Variants in DNAH14 observed in about 807,000 individuals in gnomAD.
DNAH14 encodes the protein axonemal beta dynein heavy chain 14.
DNAH14 carries 478 observed loss-of-function variants against 520.9 expected under a neutral mutation model. The ratio of observed to expected loss-of-function variants is 0.92; its 90% CI spans 0.85 to 0.99. The LOEUF (loss-of-function observed/expected upper bound fraction) is 0.99, where lower values mean the gene tolerates loss of function less well. Among genes scored for constraint, DNAH14 ranks in the 50% least tolerant of loss-of-function variants. DNAH14 has a pLI of 0.00. For missense variants in DNAH14, 4,831 were observed against 5,234.5 expected (o/e 0.92, Z 2.38); for synonymous variants, 1,581 against 1,757.2 (o/e 0.90, Z 2.51).
chr1:225,335,156 TGCATGTGTGCATGTGTACATGTGC>T (rs1419551715), intron 66 of DNAH14, among the ~76,000 whole-genome samples: 2 of 147,700 alleles, frequency 1.4e-5, no homozygotes, highest in African/African-American at 5.0e-5. Context: ...TGTACATGTG[TGCATGTGTGCATGTGTACATGTGC>T]GCATGTGTGT....
At chr1:225,075,115 T>G (rs2072094943) in intron 17 of DNAH14, among the ~76,000 whole-genome samples, 1 of 152,178 alleles carries the variant, frequency 6.6e-6, no homozygotes, top group Non-Finnish European at 1.5e-5. Context: ...TGTGTCAGAC[T>G]GAAGGCCCTG....
chr1:225,102,035 C>T lies in DNAH14; in HGVS notation c.3867+1151C>T, dbSNP rs866029919. 5.3e-4 allele frequency among the ~76,000 whole-genome samples: 62 copies of T among 117,660 alleles called. 2 individuals are homozygous for T. The highest frequency in any genetic ancestry group is 0.01 in the Middle Eastern group (2 of 196). The allele number at this position is 117,660 out of a possible 152,430, so 77.2% of individuals were successfully genotyped here. ...TTAGGTATATCTCCTAATGCTATCC[C>T]TCCCCCTCCCCCCACCCCACAACAG... On this transcript the variant is annotated intron_variant, in intron 23 of 85. Coordinates refer to ENST00000682510, the MANE Select transcript of DNAH14 (RefSeq NM_001367479.1).
chr1:225,155,911 A>G (rs1385996726), intron 34 of DNAH14, among the ~76,000 whole-genome samples: 1 of 152,190 alleles, frequency 6.6e-6, no homozygotes, highest in Non-Finnish European at 1.5e-5. Flanking sequence ...TTTTGTTATC[A>G]GAGTAAAGCA....
rs71170047 is a variant in DNAH14 at position 225,034,515 on chromosome 1, T to TTGTGTGTGTGTGTGTGTGTGTGTG, written c.1359-4167_1359-4144dup. Among the ~76,000 whole-genome samples the TTGTGTGTGTGTGTGTGTGTGTGTG allele has an allele frequency of 1.3e-3, 188 of 147,806 alleles. 1 individual carries two copies. Among genetic ancestry groups the TTGTGTGTGTGTGTGTGTGTGTGTG allele is most frequent in the East Asian group, 0.011 (55 of 4,894 alleles). ...ATTCATCAAGGATATTGGCTTGAAT[T>TTGTGTGTGTGTGTGTGTGTGTGTG]TGTGTGTGTGTGTGTGTGTGTGTGT... On this transcript the variant is annotated intron_variant, in intron 11 of 85. Transcript: ENST00000682510.
intron 1 of DNAH14, among the ~76,000 whole-genome samples, chr1:224,931,521 C>T (rs1268719464): frequency 6.6e-6 from 1 of 152,036 alleles, no homozygotes; most frequent in Non-Finnish European, 1.5e-5. Context: ...TGAATTTATT[C>T]CTTATATCTT....
chr1:225,154,609 T>G (rs2149107129), intron 34 of DNAH14, among the ~76,000 whole-genome samples: 1 of 152,074 alleles, frequency 6.6e-6, no homozygotes, highest in East Asian at 1.9e-4. Flanking sequence ...GACTTTTTAA[T>G]GAATGCTTTT....
At chr1:225,266,428 A>G (rs1049703299) in intron 48 of DNAH14, among the ~76,000 whole-genome samples, 4 of 152,120 alleles carry the variant, frequency 2.6e-5, no homozygotes, top group Non-Finnish European at 5.9e-5. Flanking sequence ...TGCTATTTTG[A>G]AAACTTACTG....
chr1:225,199,423 A>T (rs1320434967), intron 38 of DNAH14, among the ~76,000 whole-genome samples: 1 of 151,940 alleles, frequency 6.6e-6, no homozygotes, highest in African/African-American at 2.4e-5. Flanking sequence ...TTGAAGTGTG[A>T]CCTTAGAAAG....
chr1:225,090,162 T>C (rs1019716115), intron 21 of DNAH14, among the ~76,000 whole-genome samples: 3 of 152,038 alleles, frequency 2.0e-5, no homozygotes, highest in Non-Finnish European at 4.4e-5. Context: ...CATTGAGAAA[T>C]AGCATAAAAA....
At chr1:225,058,087 A>G (rs2069409596) in intron 17 of DNAH14, among the ~76,000 whole-genome samples, 1 of 152,168 alleles carries the variant, frequency 6.6e-6, no homozygotes, top group Non-Finnish European at 1.5e-5. Flanking sequence ...GTTGATTGGA[A>G]TACTTTCAGA....
chr1:225,026,753 T>G (rs1161227967), intron 11 of DNAH14, among the ~76,000 whole-genome samples: 1 of 152,158 alleles, frequency 6.6e-6, no homozygotes, highest in Non-Finnish European at 1.5e-5. Flanking sequence ...GTCCCTTGCA[T>G]TTTCATATGA....
At chr1:225,143,192 A>C (rs542746872) in intron 28 of DNAH14, among the ~76,000 whole-genome samples, 43 of 152,152 alleles carry the variant, frequency 2.8e-4, no homozygotes, top group African/African-American at 9.9e-4. Flanking sequence ...CACTAATGGA[A>C]AGGGAAAGGC....
Position 225,117,686 on chromosome 1 carries a change from T to C in DNAH14, c.3870T>C (p.Asp1290=). ...HLEHIKKSLE[D]YLEVKRLIFP... is the part of the protein sequence containing the mutation. ...GCATTTCTTTTGATTCTGGACAGGA[T>C]TACCTTGAAGTTAAAAGATTAATTT... The change falls in exon 24 of 86, where the codon GAT becomes GAC. Residue 1290 remains aspartate (D), a splice_region_variant and synonymous_variant. Transcript: ENST00000682510. 6.5e-7 allele frequency: 1 copy of C among 1,531,522 alleles called. No homozygotes were observed. Among genetic ancestry groups the C allele is most frequent in the Non-Finnish European group, 8.8e-7 (1 of 1,133,730 alleles). 94.9% of individuals were successfully genotyped at this position (1,531,522 alleles called of 1,614,324 possible).
At chr1:225,080,277 G>C (rs150602400) in intron 18 of DNAH14, 102 bp from the exon 19 acceptor site, 532 of 1,182,750 alleles carry the variant, frequency 4.5e-4, no homozygotes, top group Non-Finnish European at 6.0e-4. Context: ...TCACTTATCA[G>C]GTAAAAGCCT....
At chr1:225,016,172 G>A (rs1358411900) in intron 10 of DNAH14, among the ~76,000 whole-genome samples, 1 of 152,150 alleles carries the variant, frequency 6.6e-6, no homozygotes, top group African/African-American at 2.4e-5. Flanking sequence ...CTGGGACTTG[G>A]TGACCATTGT....
chr1:225,394,759 GC>G (rs1409619963), intron 84 of DNAH14, among the ~76,000 whole-genome samples: 6 of 151,494 alleles, frequency 4.0e-5, no homozygotes, highest in African/African-American at 1.5e-4. Flanking sequence ...CAGGAGTATT[GC>G]TTGAACTTGG....
intron 37 of DNAH14, among the ~76,000 whole-genome samples, chr1:225,186,234 C>T (rs12077966): frequency 0.15 from 23,352 of 151,150 alleles, 2,106 homozygotes; most frequent in East Asian, 0.36. Context: ...TTTTTTCTGT[C>T]AGTGGGAAAT....
intron 54 of DNAH14, among the ~76,000 whole-genome samples, 162 bp from the exon 55 acceptor site, chr1:225,289,723 A>G (rs1354033070): frequency 1.3e-5 from 2 of 152,142 alleles, no homozygotes; most frequent in African/African-American, 4.8e-5. Flanking sequence ...TTTTGATAAA[A>G]TATTTAAATT....
At chr1:225,358,319 A>G (rs767073288) in intron 73 of DNAH14, among the ~76,000 whole-genome samples, 177 bp from the exon 74 acceptor site, 6 of 152,188 alleles carry the variant, frequency 3.9e-5, no homozygotes, top group South Asian at 2.1e-4. Flanking sequence ...TGGCCACAGG[A>G]ACATGGTGGC....
Sources: allele counts gnomAD v4.1 joint callset (sites outside exome capture counted in the v4.1 genomes callset), GRCh38; gene constraint gnomAD v4.1.1; transcripts MANE v1.5; gene names NCBI Gene and HGNC (gene_info 2026-07-23, HGNC 2026-07-21).